The following SLC22A23 variants were observed in gnomAD, a reference collection of about 807,000 sequenced individuals.
The protein encoded by SLC22A23 is solute carrier family 22 member 23.
A neutral mutation model predicts 61.0 loss-of-function variants in SLC22A23; 26 were observed. The ratio of observed to expected loss-of-function variants is 0.43; its 90% CI spans 0.31 to 0.59. SLC22A23 has a LOEUF of 0.59. Ranked by LOEUF, SLC22A23 falls within the 20% of genes least tolerant of loss-of-function variation. The pLI is 0.11. For synonymous variants in SLC22A23, 430 were observed against 413.9 expected (o/e 1.04, Z -0.47); for missense variants, 796 against 934.7 (o/e 0.85, Z 1.94).
chr6:3,370,445 G>C (rs960960838), intron 3 of SLC22A23, among the ~76,000 whole-genome samples: 1 of 152,246 alleles, frequency 6.6e-6, no homozygotes, highest in South Asian at 2.1e-4. Flanking sequence ...CGAAAGCAAG[G>C]CTCACTCGCA....
At position 3,327,320 on chromosome 6, in the gene SLC22A23, CTG is replaced by C. The variant is rs1204206185; in HGVS notation, c.914-3320_914-3319del. On this transcript the variant is annotated intron_variant, in intron 3 of 9. Transcript: ENST00000406686. This position sits in a 1 kb window ranked among gnomAD's most constrained non-coding sequence, Gnocchi z 4.1. ...GCCCGTGGAAGACCTTGGCTGGCAG[CTG>C]TGTCCCGGTACTTACTAGAATCAAT... is the stretch of plus-strand genomic sequence containing the variant. 6.6e-6 allele frequency among the ~76,000 whole-genome samples: 1 copy of C among 152,252 alleles called. No homozygotes were observed. Among genetic ancestry groups the C allele is most frequent in the African/African-American group, 2.4e-5 (1 of 41,468 alleles).
chr6:3,315,369 G>GTTC (rs1561892027), intron 4 of SLC22A23, among the ~76,000 whole-genome samples: 3 of 152,214 alleles, frequency 2.0e-5, no homozygotes, highest in African/African-American at 7.2e-5. Flanking sequence ...CCACAGCACA[G>GTTC]AGGAAATGCG....
At chr6:3,397,085 G>C (rs1316007945) in intron 3 of SLC22A23, among the ~76,000 whole-genome samples, 1 of 152,316 alleles carries the variant, frequency 6.6e-6, no homozygotes, top group South Asian at 2.1e-4. Flanking sequence ...CCCACAGCCT[G>C]TCCGCTTTAT....
At chr6:3,357,056 CAAAAAAAAAAA>C (rs66509026) in intron 3 of SLC22A23, among the ~76,000 whole-genome samples, 18 of 86,064 alleles carry the variant, frequency 2.1e-4, no homozygotes, top group Admixed American at 5.5e-4. Flanking sequence ...AAAACAGAGC[CAAAAAAAAAAA>C]AAAAAAAAAA....
Position 3,286,812 on chromosome 6 carries a change from T to G in SLC22A23, c.1546+47A>C, listed in dbSNP as rs1468062999. 4 of 1,496,722 alleles carry G rather than the reference T, an allele frequency of 2.7e-6. No homozygotes were observed. Among genetic ancestry groups the G allele is most frequent in the Non-Finnish European group, 3.6e-6 (4 of 1,098,230 alleles). 92.7% of individuals were successfully genotyped at this position (1,496,722 alleles called of 1,614,324 possible). A position where few individuals can be genotyped will look rare whatever the true frequency, so the allele number is the denominator to read the frequency against. On this transcript the variant is annotated intron_variant, in intron 7 of 9. Coordinates refer to ENST00000406686, the MANE Select transcript of SLC22A23 (RefSeq NM_015482.2). The surrounding 1 kb of genome is among the most constrained non-coding windows in gnomAD (Gnocchi z 4.2). ...GCCCTTTCAAATGCCCTTGGGGATC[T>G]GCCAGCTTCCCTCCCTGCACCCAGC...
In SLC22A23 at chr6:3,322,165, C is replaced by T. The variant is rs537400327; in HGVS notation, c.1082+1669G>A. Among the ~76,000 whole-genome samples, 8 of 152,118 alleles carry T rather than the reference C, an allele frequency of 5.3e-5. No homozygotes were observed. The highest frequency in any genetic ancestry group is 3.9e-4 in the East Asian group (2 of 5,164). ...CGTGAGTCAGCGGGGGTCAGGGGAC[C>T]GCGGTTCTGTCCTCTATAGGATGGG... On this transcript the variant is annotated intron_variant, in intron 4 of 9. Transcript: ENST00000406686. This position sits in a 1 kb window ranked among gnomAD's most constrained non-coding sequence, Gnocchi z 4.1.
In SLC22A23 at chr6:3,304,663, T is replaced by G. The variant is rs1196702972; in HGVS notation, c.1083-6445A>C. Among the ~76,000 whole-genome samples the G allele has an allele frequency of 1.3e-5, 2 of 152,090 alleles. No homozygotes were observed. The highest frequency in any genetic ancestry group is 6.5e-5 in the Admixed American group (1 of 15,270). ...AGTGGGGGCAGTCCCAGGCAGGTGGTCCAGGGGCTGGTCAGGGGAGGCTCT... is the reference window on the plus strand; with the variant it reads ...AGTGGGGGCAGTCCCAGGCAGGTGGGCCAGGGGCTGGTCAGGGGAGGCTCT... On this transcript the variant is annotated intron_variant, in intron 4 of 9. Transcript: ENST00000406686. The surrounding 1 kb of genome is among the most constrained non-coding windows in gnomAD (Gnocchi z 4.3).
In SLC22A23 at chr6:3,328,776, TAA is replaced by T. The variant is rs1449327347; in HGVS notation, c.914-4776_914-4775del. On this transcript the variant is annotated intron_variant, in intron 3 of 9. Transcript: ENST00000406686. This position sits in a 1 kb window ranked among gnomAD's most constrained non-coding sequence, Gnocchi z 5.0. ...GGGCCAATTCCTCGCAGAAAATCTC[TAA>T]ATATCTCCTGTTGTTTCCTCTTCTC... is the stretch of plus-strand genomic sequence containing the variant. 6.6e-6 allele frequency among the ~76,000 whole-genome samples: 1 copy of T among 152,076 alleles called. No individual in the cohort carries two copies. Among genetic ancestry groups the T allele is most frequent in the Non-Finnish European group, 1.5e-5 (1 of 68,018 alleles).
At chr6:3,276,399 C>T (rs553818603) in intron 9 of SLC22A23, among the ~76,000 whole-genome samples, 28 of 152,138 alleles carry the variant, frequency 1.8e-4, no homozygotes, top group African/African-American at 6.3e-4. Flanking sequence ...GGTCTGCGCT[C>T]CTCCCTGGCG....
chr6:3,283,961 C>T lies in SLC22A23; in HGVS notation c.1594G>A (p.Val532Ile), dbSNP rs145712961. Residue 532 changes from valine to isoleucine, a missense_variant, in exon 9 of 10, where the codon GTC (valine) becomes ATC (isoleucine). Physicochemically the swap from Val to Ile is conservative, Grantham distance 29 (BLOSUM62 3). Transcript: ENST00000406686. ...AACGCGATGGAAAATTTGTCCTTGA[C>T]GCTGTCACTCATCCCTGGGGGAAGG... ...QHPDSGMSDSVKDKFSIAFSI... is the reference protein window; with the variant it reads ...QHPDSGMSDSIKDKFSIAFSI... 15 of 1,605,354 alleles carry T rather than the reference C, an allele frequency of 9.3e-6. No homozygotes were observed. The highest frequency in any genetic ancestry group is 6.7e-5 in the Admixed American group (4 of 59,820).
In SLC22A23 at chr6:3,318,476, A is replaced by G. The variant is rs943530285; in HGVS notation, c.1082+5358T>C. Among the ~76,000 whole-genome samples the G allele has an allele frequency of 6.6e-6, 1 of 151,864 alleles. No individual in the cohort carries two copies. Among genetic ancestry groups the G allele is most frequent in the Non-Finnish European group, 1.5e-5 (1 of 67,954 alleles). On this transcript the variant is annotated intron_variant, in intron 4 of 9. Coordinates refer to ENST00000406686, the MANE Select transcript of SLC22A23 (RefSeq NM_015482.2). This position sits in a 1 kb window ranked among gnomAD's most constrained non-coding sequence, Gnocchi z 4.3. ...AGAAATGATCAAACTGCCAAAACTC[A>G]TCCTGCACACCCTGCCTCACCTGCT... is the stretch of plus-strand genomic sequence containing the variant.
rs574448187 is a variant in SLC22A23, at chr6:3,430,018, C to T, written c.655-14163G>A. 1.1e-4 allele frequency among the ~76,000 whole-genome samples: 17 copies of T among 152,260 alleles called. No individual in the cohort carries two copies. The East Asian group carries it at 3.3e-3, about 29-fold the overall frequency. On this transcript the variant is annotated intron_variant, in intron 1 of 9. Coordinates refer to ENST00000406686, the MANE Select transcript of SLC22A23 (RefSeq NM_015482.2). Reference sequence around the variant, plus strand: ...TGTGAATGGCTTACACTGAACTATACACTTAAAATGGTTAATTTTATGTTA... The same window carrying T: ...TGTGAATGGCTTACACTGAACTATATACTTAAAATGGTTAATTTTATGTTA...
chr6:3,379,063 T>C lies in SLC22A23; in HGVS notation c.913+31125A>G, dbSNP rs116125045. Reference sequence around the variant, plus strand: ...TATGGGAGAGTTGTCTGGGCCTCCCTGCCAGCATGACACTTTTTGCCCTGT... The same window carrying C: ...TATGGGAGAGTTGTCTGGGCCTCCCCGCCAGCATGACACTTTTTGCCCTGT... On this transcript the variant is annotated intron_variant, in intron 3 of 9. Coordinates refer to ENST00000406686, the MANE Select transcript of SLC22A23 (RefSeq NM_015482.2). Among the ~76,000 whole-genome samples the C allele has an allele frequency of 7.8e-3, 1,189 of 152,296 alleles. 8 individuals are homozygous for C. The highest frequency in any genetic ancestry group is 0.011 in the Non-Finnish European group (779 of 68,030).
intron 1 of SLC22A23, among the ~76,000 whole-genome samples, chr6:3,421,409 A>T (rs1224709657): frequency 6.6e-6 from 1 of 152,204 alleles, no homozygotes; most frequent in Admixed American, 6.5e-5. Context: ...AAAAGTTGAG[A>T]ACCTGACTCA....
intron 3 of SLC22A23, among the ~76,000 whole-genome samples, chr6:3,361,582 C>G (rs1207143224): frequency 6.6e-6 from 1 of 152,234 alleles, no homozygotes; most frequent in East Asian, 1.9e-4. Context: ...AGCTTCTGTT[C>G]CCAGCTTTAC....
chr6:3,441,826 T>A (rs574891574), intron 1 of SLC22A23, among the ~76,000 whole-genome samples: 1 of 152,090 alleles, frequency 6.6e-6, no homozygotes, highest in African/African-American at 2.4e-5. Flanking sequence ...GCAGACACGA[T>A]CTTCTACCCA....
intron 3 of SLC22A23, among the ~76,000 whole-genome samples, chr6:3,326,312 C>T (rs1039484009): frequency 5.9e-5 from 9 of 152,226 alleles, no homozygotes; most frequent in African/African-American, 1.7e-4. Context: ...GCCCCTAACC[C>T]TTTGCTGCCT....
At chr6:3,377,589 A>G (rs937145290) in intron 3 of SLC22A23, among the ~76,000 whole-genome samples, 1 of 152,224 alleles carries the variant, frequency 6.6e-6, no homozygotes, top group Non-Finnish European at 1.5e-5. Context: ...TTCCCCTCCC[A>G]TGCAGCTGCA....
rs1316266967 is a variant in SLC22A23, at chr6:3,304,404, AG to A, written c.1083-6187del. On this transcript the variant is annotated intron_variant, in intron 4 of 9. Coordinates refer to ENST00000406686, the MANE Select transcript of SLC22A23 (RefSeq NM_015482.2). The surrounding 1 kb of genome is among the most constrained non-coding windows in gnomAD (Gnocchi z 4.3). The stretch of plus-strand genomic sequence containing the variant: ...TCTAGAGAGTCTCTGAGAATTGCAA[AG>A]CTCATAGAAAAGATTTCAAGGATAT... 2.0e-5 allele frequency among the ~76,000 whole-genome samples: 3 copies of A among 152,276 alleles called. No homozygotes were observed. Among genetic ancestry groups the A allele is most frequent in the African/African-American group, 7.2e-5 (3 of 41,476 alleles).
Sources: allele counts gnomAD v4.1 joint callset (sites outside exome capture counted in the v4.1 genomes callset), GRCh38; gene constraint gnomAD v4.1.1; non-coding constraint Gnocchi (gnomAD v3.1); transcripts MANE v1.5; gene names NCBI Gene and HGNC (gene_info 2026-07-23, HGNC 2026-07-21).